GPC6: variants seen among roughly 807,000 people sequenced by gnomAD.
The protein encoded by GPC6 is glypican 6, also known as glypican-6.
Under a neutral mutation model 55.2 loss-of-function variants are expected in GPC6, and 14 were observed. The observed-to-expected ratio is 0.25, with a 90% CI of 0.17 to 0.40. The LOEUF (loss-of-function observed/expected upper bound fraction) is 0.40, where lower values mean the gene tolerates loss of function less well. GPC6 is among the 10% of genes least tolerant of loss of function. GPC6 has a pLI of 1.00. For missense variants in GPC6, 641 were observed against 708.5 expected (o/e 0.90, Z 1.08); for synonymous variants, 278 against 259.6 (o/e 1.07, Z -0.68).
At chr13:93,683,479 T>C (rs1881932876) in intron 2 of GPC6, among the ~76,000 whole-genome samples, 1 of 152,154 alleles carries the variant, frequency 6.6e-6, no homozygotes, top group Admixed American at 6.5e-5. Flanking sequence ...GCAAGTCTAA[T>C]GTATACATCT....
chr13:93,789,533 ATAGT>A, intron 2 of GPC6, among the ~76,000 whole-genome samples: 1 of 131,410 alleles, frequency 7.6e-6, no homozygotes, highest in African/African-American at 2.9e-5. Context: ...ATATATATAT[ATAGT>A]CAGTTAATAT....
At chr13:93,987,958 T>G (rs1881110625) in intron 3 of GPC6, among the ~76,000 whole-genome samples, 1 of 152,154 alleles carries the variant, frequency 6.6e-6, no homozygotes, top group Non-Finnish European at 1.5e-5. Context: ...TCCTGCTCCC[T>G]TGCCTAACCT....
At chr13:93,296,828 A>G (rs1227025937) in intron 1 of GPC6, among the ~76,000 whole-genome samples, 4 of 148,644 alleles carry the variant, frequency 2.7e-5, no homozygotes, top group African/African-American at 1.0e-4. Context: ...TGACTTAGTC[A>G]GTGAATGCCT....
chr13:93,987,148 C>A (rs1337087992), intron 3 of GPC6, among the ~76,000 whole-genome samples: 1 of 152,130 alleles, frequency 6.6e-6, no homozygotes. Flanking sequence ...GTGCCTAATT[C>A]ATAGTAAAGA....
intron 4 of GPC6, among the ~76,000 whole-genome samples, chr13:94,147,506 G>A (rs559615706): frequency 6.6e-6 from 1 of 152,238 alleles, no homozygotes; most frequent in African/African-American, 2.4e-5. Flanking sequence ...TTGTTTTGAA[G>A]GTTGAGTAAG....
chr13:93,895,056 C>G (rs1021009641), intron 3 of GPC6, among the ~76,000 whole-genome samples: 1 of 150,736 alleles, frequency 6.6e-6, no homozygotes, highest in South Asian at 2.1e-4. Context: ...CAACGTCTTA[C>G]AGCAAATATA....
intron 1 of GPC6, among the ~76,000 whole-genome samples, chr13:93,413,115 G>T (rs1043464557): frequency 6.6e-6 from 1 of 152,152 alleles, no homozygotes; most frequent in Non-Finnish European, 1.5e-5. Flanking sequence ...AATCCATGTT[G>T]TGTTGGTCTG....
chr13:93,716,121 G>T (rs79290102), intron 2 of GPC6, among the ~76,000 whole-genome samples: 1,782 of 151,688 alleles, frequency 0.012, 37 homozygotes, highest in African/African-American at 0.041. Flanking sequence ...TTACTCTGCT[G>T]CCAGTTGTAT....
chr13:93,477,038 G>A (rs1447771241), intron 1 of GPC6, among the ~76,000 whole-genome samples: 5 of 152,012 alleles, frequency 3.3e-5, no homozygotes, highest in South Asian at 2.1e-4. Context: ...TATAAGAACC[G>A]CATGTAGATA....
rs531576571 is a variant in GPC6 at position 94,314,753 on chromosome 13, G to C, written c.1152+8630G>C. 3.3e-5 allele frequency among the ~76,000 whole-genome samples: 5 copies of C among 152,350 alleles called. No homozygotes were observed. The South Asian group carries it at 8.3e-4, about 25-fold the overall frequency. ...AAATGTGATGTTCATGCTTATGAGA[G>C]ATAGAGCTGAAGAAATAGGATATTT... On this transcript the variant is annotated intron_variant, in intron 6 of 8. Coordinates refer to ENST00000377047, the MANE Select transcript of GPC6 (RefSeq NM_005708.5).
intron 1 of GPC6, among the ~76,000 whole-genome samples, chr13:93,236,779 G>A (rs1394984096): frequency 2.0e-5 from 3 of 152,050 alleles, no homozygotes; most frequent in African/African-American, 4.8e-5. Context: ...ATGTGCCCCT[G>A]TGTATGCATA....
intron 2 of GPC6, among the ~76,000 whole-genome samples, chr13:93,721,676 T>C (rs908909360): frequency 2.6e-5 from 4 of 151,902 alleles, no homozygotes; most frequent in Middle Eastern, 3.4e-3. Context: ...AAAAATATTA[T>C]TAAATGTGGT....
At chr13:93,878,787 G>T (rs1041637498) in intron 3 of GPC6, among the ~76,000 whole-genome samples, 1 of 152,064 alleles carries the variant, frequency 6.6e-6, no homozygotes, top group African/African-American at 2.4e-5. Context: ...TTTGAACTTG[G>T]ACTACCCAGC....
chr13:93,222,281 G>C (rs1875646547), upstream of GPC6, among the ~76,000 whole-genome samples: 1 of 150,818 alleles, frequency 6.6e-6, no homozygotes, highest in Non-Finnish European at 1.5e-5. Flanking sequence ...ATGCAGATAA[G>C]AGAAAAAAAA....
At chr13:93,608,018 C>G (rs538463380) in intron 2 of GPC6, among the ~76,000 whole-genome samples, 2 of 115,360 alleles carry the variant, frequency 1.7e-5, no homozygotes, top group African/African-American at 7.1e-5. Context: ...TTTGGAGCCA[C>G]TCCTGTGGCA....
intron 2 of GPC6, among the ~76,000 whole-genome samples, chr13:93,775,379 C>G (rs1885434462): frequency 6.6e-6 from 1 of 152,194 alleles, no homozygotes; most frequent in Non-Finnish European, 1.5e-5. Context: ...CAATTACAGG[C>G]TTAGAGTCAT....
At chr13:94,062,226 C>T (rs1438920193) in intron 4 of GPC6, among the ~76,000 whole-genome samples, 3 of 151,314 alleles carry the variant, frequency 2.0e-5, no homozygotes, top group African/African-American at 7.3e-5. Context: ...TTACCCTCTA[C>T]ATTTCTGTTT....
chr13:93,800,614 T>A (rs1886338930), intron 2 of GPC6, among the ~76,000 whole-genome samples: 1 of 152,222 alleles, frequency 6.6e-6, no homozygotes, highest in Non-Finnish European at 1.5e-5. Context: ...CATGTTATGC[T>A]TGCCAGAAAA....
At chr13:93,287,138 T>C (rs939810473) in intron 1 of GPC6, among the ~76,000 whole-genome samples, 4 of 152,160 alleles carry the variant, frequency 2.6e-5, no homozygotes. Context: ...TATGCAAATA[T>C]TACAAAATCT....
Sources: allele counts gnomAD v4.1 joint callset (sites outside exome capture counted in the v4.1 genomes callset), GRCh38; gene constraint gnomAD v4.1.1; transcripts MANE v1.5; gene names NCBI Gene and HGNC (gene_info 2026-07-23, HGNC 2026-07-21).